B3GALT5: variants seen among roughly 807,000 people sequenced by gnomAD.
The protein encoded by B3GALT5 is beta-1,3-galactosyltransferase 5, also known as UDP-Gal:betaGlcNAc beta 1,3-galactosyltransferase, polypeptide 5.
For synonymous variants in B3GALT5, 156 were observed against 158.6 expected (o/e 0.98, Z 0.12); for missense variants, 328 against 396.6 (o/e 0.83, Z 1.47).
Position 39,661,642 on chromosome 21 carries a change from G to A in B3GALT5, c.*150G>A. 1 of 734,776 alleles carries A rather than the reference G, an allele frequency of 1.4e-6. No individual in the cohort carries two copies. The highest frequency in any genetic ancestry group is 2.0e-6 in the Non-Finnish European group (1 of 489,790). The allele number at this position is 734,776 out of a possible 1,614,324, so 45.5% of individuals were successfully genotyped here. A position where few individuals can be genotyped will look rare whatever the true frequency, so the allele number is the denominator to read the frequency against. On this transcript the variant is annotated 3_prime_UTR_variant, in exon 4 of 4. Transcript: ENST00000684187. This position sits in a 1 kb window ranked among gnomAD's most constrained non-coding sequence, Gnocchi z 4.7. ...TCGGTGTTCATGAAGTCACTGATTA[G>A]TTCCCACTTGGTGCCCCAGGCAATA...
intron 1 of B3GALT5, among the ~76,000 whole-genome samples, chr21:39,616,802 T>C (rs966949496): frequency 4.6e-5 from 7 of 152,212 alleles, no homozygotes; most frequent in Non-Finnish European, 8.8e-5. Flanking sequence ...ATTTAGTCTC[T>C]ATTCATTTTG....
rs1450809049 is a variant in B3GALT5 at position 39,660,751 on chromosome 21, C to T, written c.192C>T (p.Thr64=). ...CTCCCTTCCTCGTCCTGCTGGTGAC[C>T]TCATCCCACAAACAGTTGGCTGAGC... is the stretch of plus-strand genomic sequence containing the variant. ...QTPPFLVLLV[T]SSHKQLAERM... The change falls in exon 4 of 4, where the codon ACC becomes ACT. Residue 64 remains threonine (T), a synonymous_variant. Coordinates refer to ENST00000684187, the MANE Select transcript of B3GALT5 (RefSeq NM_001356336.2). 1.9e-6 allele frequency: 3 copies of T among 1,550,240 alleles called. No individual in the cohort carries two copies. The highest frequency in any genetic ancestry group is 2.3e-5 in the East Asian group (1 of 44,302).
chr21:39,616,287 A>C (rs2079107106), intron 1 of B3GALT5, among the ~76,000 whole-genome samples: 1 of 151,962 alleles, frequency 6.6e-6, no homozygotes, highest in South Asian at 2.1e-4. Context: ...TTTCTAATTT[A>C]TTCATTTTTC....
At chr21:39,640,622 A>G (rs932517580) in intron 1 of B3GALT5, among the ~76,000 whole-genome samples, 1 of 152,182 alleles carries the variant, frequency 6.6e-6, no homozygotes, top group Non-Finnish European at 1.5e-5. Context: ...CTTCAAAACT[A>G]TGAGGTCTTG....
At chr21:39,613,088 G>GCGGGGCT (rs1354826618) in intron 1 of B3GALT5, 21 bp downstream of exon 1, 1 of 148,872 alleles carries the variant, frequency 6.7e-6, no homozygotes, top group Non-Finnish European at 1.5e-5. Context: ...GGGCTGGGGC[G>GCGGGGCT]CGGGGCGCGG....
intron 2 of B3GALT5, among the ~76,000 whole-genome samples, chr21:39,656,013 G>A (rs1270099723): frequency 6.6e-6 from 1 of 152,188 alleles, no homozygotes; most frequent in Non-Finnish European, 1.5e-5. Context: ...GGTCGGGTCT[G>A]TACAGGCAGT....
At chr21:39,640,691 A>AT (rs574265463) in intron 1 of B3GALT5, among the ~76,000 whole-genome samples, 21,449 of 145,928 alleles carry the variant, frequency 0.15, 1,540 homozygotes, top group Non-Finnish European at 0.17. Flanking sequence ...AATCCATTCT[A>AT]TTTTTTTTTT....
intron 1 of B3GALT5, among the ~76,000 whole-genome samples, chr21:39,614,477 A>AG (rs2079097141): frequency 6.6e-6 from 1 of 152,196 alleles, no homozygotes; most frequent in Non-Finnish European, 1.5e-5. Context: ...GACAAGGACA[A>AG]GGTTGTCTTT....
intron 1 of B3GALT5, among the ~76,000 whole-genome samples, chr21:39,637,420 T>C (rs2079236262): frequency 6.6e-6 from 1 of 152,260 alleles, no homozygotes; most frequent in Non-Finnish European, 1.5e-5. Context: ...AGTCCAACCC[T>C]TGCTGGCATG....
chr21:39,621,663 G>A (rs1439425208), intron 1 of B3GALT5, among the ~76,000 whole-genome samples: 1 of 151,858 alleles, frequency 6.6e-6, no homozygotes, highest in East Asian at 1.9e-4. Flanking sequence ...TGATTTGCTG[G>A]AAAATTATTT....
chr21:39,648,080 T>C (rs918737246), intron 2 of B3GALT5, among the ~76,000 whole-genome samples: 1 of 152,188 alleles, frequency 6.6e-6, no homozygotes, highest in African/African-American at 2.4e-5. Context: ...TATTGTGTAA[T>C]CAAATCTTAC....
Position 39,670,200 on chromosome 21 carries a change from C to G in B3GALT5, c.*8708C>G, listed in dbSNP as rs537157962. The stretch of plus-strand genomic sequence containing the variant: ...CCCTTGCAAAACAAGCCCGGGGGCG[C>G]CACACTCAGACTGTGTGTGTGTGTG... On this transcript the variant is annotated 3_prime_UTR_variant, in exon 4 of 4. Coordinates refer to ENST00000684187, the MANE Select transcript of B3GALT5 (RefSeq NM_001356336.2). The G allele has an allele frequency of 6.7e-6, 1 of 149,552 alleles. No homozygotes were observed. The highest frequency in any genetic ancestry group is 2.0e-4 in the East Asian group (1 of 5,094). 9.3% of individuals were successfully genotyped at this position (149,552 alleles called of 1,614,324 possible).
At chr21:39,621,743 T>C (rs2079135630) in intron 1 of B3GALT5, among the ~76,000 whole-genome samples, 1 of 152,158 alleles carries the variant, frequency 6.6e-6, no homozygotes, top group African/African-American at 2.4e-5. Context: ...TTTAAAAATT[T>C]CTCTGTTGCA....
chr21:39,653,234 T>G (rs557968720), intron 2 of B3GALT5, among the ~76,000 whole-genome samples: 11 of 152,374 alleles, frequency 7.2e-5, no homozygotes, highest in African/African-American at 2.4e-4. Flanking sequence ...ACATAACATC[T>G]GTCAGATTAA....
At position 39,669,917 on chromosome 21, in the gene B3GALT5, G is replaced by A. The variant is rs1438965583; in HGVS notation, c.*8425G>A. On this transcript the variant is annotated 3_prime_UTR_variant, in exon 4 of 4. Transcript: ENST00000684187. Reference sequence around the variant, plus strand: ...CACCTGACCCCTTTTCCTGTCTTCTGTCACTTTTTTTTTTCCAAGTGTTGA... The same window carrying A: ...CACCTGACCCCTTTTCCTGTCTTCTATCACTTTTTTTTTTCCAAGTGTTGA... 1 of 152,218 alleles carries A rather than the reference G, an allele frequency of 6.6e-6. No individual in the cohort carries two copies. The highest frequency in any genetic ancestry group is 1.5e-5 in the Non-Finnish European group (1 of 68,124). The allele number at this position is 152,218 out of a possible 1,614,324, so 9.4% of individuals were successfully genotyped here.
chr21:39,656,492 G>A (rs925882684), intron 2 of B3GALT5, among the ~76,000 whole-genome samples: 7 of 152,130 alleles, frequency 4.6e-5, no homozygotes, highest in African/African-American at 9.7e-5. Context: ...CCTCTCCACC[G>A]AGGGCCACAG....
At chr21:39,639,831 C>T (rs990785544) in intron 1 of B3GALT5, among the ~76,000 whole-genome samples, 3 of 152,082 alleles carry the variant, frequency 2.0e-5, no homozygotes, top group Non-Finnish European at 2.9e-5. Flanking sequence ...TGTAGCTCTC[C>T]TAGCGGCTAA....
chr21:39,623,776 G>C lies in B3GALT5; in HGVS notation c.-392+10709G>C, dbSNP rs1306475990. ...GGACTCACTATGATGTGGAAGATAG[G>C]TTTATCTTTATCATGGTGAGTACCT... On this transcript the variant is annotated intron_variant, in intron 1 of 3. Coordinates refer to ENST00000684187, the MANE Select transcript of B3GALT5 (RefSeq NM_001356336.2). 2.0e-5 allele frequency among the ~76,000 whole-genome samples: 3 copies of C among 152,238 alleles called. No homozygotes were observed. In the East Asian group the frequency reaches 5.8e-4, roughly 29 times the overall value.
chr21:39,624,537 G>A (rs912016599), intron 1 of B3GALT5, among the ~76,000 whole-genome samples: 13 of 152,154 alleles, frequency 8.5e-5, no homozygotes, highest in African/African-American at 3.1e-4. Context: ...AAGCTTTGAA[G>A]AGAAACAGGT....
Sources: allele counts gnomAD v4.1 joint callset (sites outside exome capture counted in the v4.1 genomes callset), GRCh38; gene constraint gnomAD v4.1.1; non-coding constraint Gnocchi (gnomAD v3.1); transcripts MANE v1.5; gene names NCBI Gene and HGNC (gene_info 2026-07-23, HGNC 2026-07-21).